INPP4B: variants seen among roughly 807,000 people sequenced by gnomAD.
INPP4B encodes the protein inositol polyphosphate 4-phosphatase type II.
A neutral mutation model predicts 122.5 loss-of-function variants in INPP4B; 55 were observed. That is an observed-to-expected ratio of 0.45 (90% CI 0.36 to 0.56). The LOEUF is 0.56. Ranked by LOEUF, INPP4B falls within the 20% of genes least tolerant of loss-of-function variation. The probability of loss-of-function intolerance (pLI) is 0.00; values close to 1 mark genes in which losing one functional copy is unlikely to be tolerated. For missense variants in INPP4B, 1,000 were observed against 1,097.7 expected (o/e 0.91, Z 1.26); for synonymous variants, 403 against 388.7 (o/e 1.04, Z -0.43).
intron 1 of INPP4B, among the ~76,000 whole-genome samples, chr4:142,792,679 G>A (rs1300740730): frequency 2.0e-5 from 3 of 152,006 alleles, no homozygotes; most frequent in Non-Finnish European, 1.5e-5. Context: ...TGTCCTGAGA[G>A]TCTTCTCAGA....
At chr4:142,756,329 T>C (rs564761260) in intron 1 of INPP4B, among the ~76,000 whole-genome samples, 22 of 152,048 alleles carry the variant, frequency 1.4e-4, no homozygotes, top group Non-Finnish European at 3.1e-4. Flanking sequence ...ACTGCGGCGT[T>C]AACAAAATTG....
chr4:142,755,090 T>C (rs1360955290), intron 1 of INPP4B, among the ~76,000 whole-genome samples: 1 of 152,042 alleles, frequency 6.6e-6, no homozygotes, highest in African/African-American at 2.4e-5. Context: ...TGATGACTGA[T>C]CCCATTTTCT....
chr4:142,067,039 G>C (rs556425644), intron 25 of INPP4B, among the ~76,000 whole-genome samples: 1 of 152,298 alleles, frequency 6.6e-6, no homozygotes, highest in South Asian at 2.1e-4. Context: ...GTGGGTCCCT[G>C]ACCCCCAAGT....
chr4:142,818,576 C>T (rs1780417084), intron 1 of INPP4B, among the ~76,000 whole-genome samples: 1 of 151,924 alleles, frequency 6.6e-6, no homozygotes, highest in East Asian at 1.9e-4. Context: ...ATTTCATTGA[C>T]AATATAGAAA....
chr4:142,531,168 A>T (rs1344796671), intron 2 of INPP4B, among the ~76,000 whole-genome samples: 1 of 152,014 alleles, frequency 6.6e-6, no homozygotes. Flanking sequence ...TTTGAAAATA[A>T]AGTCAATAGA....
chr4:142,724,334 TA>T (rs1403712109), intron 2 of INPP4B, among the ~76,000 whole-genome samples: 2 of 152,138 alleles, frequency 1.3e-5, no homozygotes, highest in African/African-American at 2.4e-5. Flanking sequence ...CTGCATGCTT[TA>T]TTTATATTCT....
chr4:142,500,822 A>C (rs910800362), intron 2 of INPP4B, among the ~76,000 whole-genome samples: 2 of 152,186 alleles, frequency 1.3e-5, no homozygotes, highest in Non-Finnish European at 2.9e-5. Context: ...ATCTACTCAA[A>C]GTAGACAAAC....
At chr4:142,819,751 G>A (rs1370144389) in intron 1 of INPP4B, among the ~76,000 whole-genome samples, 1 of 152,008 alleles carries the variant, frequency 6.6e-6, no homozygotes, top group African/African-American at 2.4e-5. Flanking sequence ...GTGCCAATAG[G>A]GGGCCACCTC....
chr4:142,524,750 A>T (rs949553597), intron 2 of INPP4B, among the ~76,000 whole-genome samples: 6 of 152,050 alleles, frequency 3.9e-5, no homozygotes, highest in Non-Finnish European at 7.4e-5. Flanking sequence ...AAATAATAAG[A>T]GCTATCTATG....
intron 2 of INPP4B, among the ~76,000 whole-genome samples, chr4:142,529,544 G>A (rs1037538079): frequency 1.3e-5 from 2 of 151,880 alleles, no homozygotes; most frequent in African/African-American, 4.8e-5. Flanking sequence ...TATATTTTAT[G>A]TGAACATAAA....
intron 15 of INPP4B, among the ~76,000 whole-genome samples, chr4:142,182,195 C>CATCAATAAAATAAA (rs1343498687): frequency 6.6e-6 from 1 of 152,094 alleles, no homozygotes; most frequent in African/African-American, 2.4e-5. Context: ...TTGGTATTTT[C>CATCAATAAAATAAA]ATCAATAAAA....
chr4:142,457,766 G>C (rs1000132213), intron 3 of INPP4B, among the ~76,000 whole-genome samples: 2 of 152,024 alleles, frequency 1.3e-5, no homozygotes, highest in Admixed American at 1.3e-4. Flanking sequence ...TTGTTTGTTT[G>C]TTTTTGTTTT....
chr4:142,582,247 G>A (rs1426749169), intron 2 of INPP4B, among the ~76,000 whole-genome samples: 3 of 151,642 alleles, frequency 2.0e-5, no homozygotes, highest in African/African-American at 7.3e-5. Flanking sequence ...AAAAGTAAAT[G>A]TTACTAAAGT....
At position 142,208,500 on chromosome 4, in the gene INPP4B, C is replaced by G. The variant is rs780973077; in HGVS notation, c.997G>C (p.Gly333Arg). The G allele has an allele frequency of 6.3e-7, 1 of 1,599,798 alleles. No individual in the cohort carries two copies. Among genetic ancestry groups the G allele is most frequent in the Non-Finnish European group, 8.5e-7 (1 of 1,172,540 alleles). The change falls in exon 14 of 26, where the codon GGA (glycine) becomes CGA (arginine). Residue 333 changes from glycine (G) to arginine (R), a missense_variant. Gly to Arg is a moderately radical substitution (Grantham distance 125, BLOSUM62 -2). Coordinates refer to ENST00000262992, the MANE Select transcript of INPP4B (RefSeq NM_001101669.3). ...GGAACAAATTCTAATGTTTTCTCTCCTTTGCTGCTGCTTGATTTGAAAGAG... is the reference window on the plus strand; with the variant it reads ...GGAACAAATTCTAATGTTTTCTCTCGTTTGCTGCTGCTTGATTTGAAAGAG... ...GSSFKSSSSK[G>R]EKTLEFVPIN...
At chr4:142,053,372 A>AAG (rs1389331306) in intron 25 of INPP4B, among the ~76,000 whole-genome samples, 1 of 152,112 alleles carries the variant, frequency 6.6e-6, no homozygotes, top group Non-Finnish European at 1.5e-5. Context: ...AGAGAACCTG[A>AAG]AGAGAGATGG....
chr4:142,320,359 A>T (rs1443058429), intron 7 of INPP4B, among the ~76,000 whole-genome samples: 2 of 152,162 alleles, frequency 1.3e-5, no homozygotes, highest in Admixed American at 1.3e-4. Flanking sequence ...TTATGCAGGG[A>T]TGCTACACCA....
At chr4:142,086,109 T>C in intron 24 of INPP4B, 35 bp downstream of exon 24, 2 of 1,315,864 alleles carry the variant, frequency 1.5e-6, no homozygotes, top group Non-Finnish European at 2.2e-6. Flanking sequence ...GGTTATGACA[T>C]GGCAGGAAAT....
intron 2 of INPP4B, among the ~76,000 whole-genome samples, chr4:142,484,790 G>A (rs562326984): frequency 6.6e-6 from 1 of 152,038 alleles, no homozygotes. Flanking sequence ...AGGTCCCTGT[G>A]TGTGTTATTC....
At chr4:142,679,626 C>T (rs1758308595) in intron 2 of INPP4B, among the ~76,000 whole-genome samples, 1 of 151,778 alleles carries the variant, frequency 6.6e-6, no homozygotes, top group Non-Finnish European at 1.5e-5. Context: ...GGTTGGCATG[C>T]ATTTAACCAT....
Sources: allele counts gnomAD v4.1 joint callset (sites outside exome capture counted in the v4.1 genomes callset), GRCh38; gene constraint gnomAD v4.1.1; transcripts MANE v1.5; gene names NCBI Gene and HGNC (gene_info 2026-07-23, HGNC 2026-07-21).